CHRM3: variants seen among roughly 807,000 people sequenced by gnomAD.
The protein encoded by CHRM3 is muscarinic acetylcholine receptor M3.
Under a neutral mutation model 41.8 loss-of-function variants are expected in CHRM3, and 11 were observed. That is an observed-to-expected ratio of 0.26 (90% CI 0.17 to 0.44). CHRM3 has a LOEUF of 0.44. Among genes scored for constraint, CHRM3 ranks in the 20% least tolerant of loss-of-function variants. CHRM3 has a pLI of 1.00. For synonymous variants in CHRM3, 297 were observed against 301.4 expected (o/e 0.99, Z 0.15); for missense variants, 571 against 745.4 (o/e 0.77, Z 2.72).
intron 5 of CHRM3, among the ~76,000 whole-genome samples, chr1:239,795,637 T>C (rs1669705288): frequency 6.6e-6 from 1 of 152,218 alleles, no homozygotes. Context: ...TCTATATTTG[T>C]TTCCATCTTC....
chr1:239,839,093 G>A (rs114722413), intron 6 of CHRM3, among the ~76,000 whole-genome samples: 673 of 152,260 alleles, frequency 4.4e-3, no homozygotes, highest in Non-Finnish European at 7.5e-3. Context: ...GCCCTTCAGG[G>A]CCCTTTCAAA....
intron 1 of CHRM3, among the ~76,000 whole-genome samples, chr1:239,402,790 T>G (rs1660091068): frequency 6.6e-6 from 1 of 152,234 alleles, no homozygotes; most frequent in Non-Finnish European, 1.5e-5. Flanking sequence ...AACAGCACAG[T>G]ATTTACATAT....
intron 5 of CHRM3, among the ~76,000 whole-genome samples, chr1:239,764,628 C>T (rs762726919): frequency 2.6e-5 from 4 of 152,170 alleles, no homozygotes; most frequent in African/African-American, 9.7e-5. Context: ...TCCCAGTGTG[C>T]CTACAGATGC....
At chr1:239,736,350 T>C (rs989427665) in intron 5 of CHRM3, among the ~76,000 whole-genome samples, 14 of 151,898 alleles carry the variant, frequency 9.2e-5, no homozygotes, top group African/African-American at 2.7e-4. Context: ...TATTATTAGC[T>C]AAAAAACAAG....
intron 2 of CHRM3, among the ~76,000 whole-genome samples, chr1:239,531,881 A>G (rs966040263): frequency 1.3e-5 from 2 of 150,696 alleles, no homozygotes; most frequent in East Asian, 2.0e-4. Flanking sequence ...GGTTGGTCTC[A>G]ATCTCCTGAC....
chr1:239,445,827 A>T (rs1313739933), intron 1 of CHRM3, among the ~76,000 whole-genome samples: 1 of 152,230 alleles, frequency 6.6e-6, no homozygotes, highest in African/African-American at 2.4e-5. Context: ...TAAAAGACAT[A>T]GAATTTGCCA....
intron 1 of CHRM3, among the ~76,000 whole-genome samples, chr1:239,480,126 T>G (rs1433822251): frequency 6.6e-6 from 1 of 151,958 alleles, no homozygotes; most frequent in Non-Finnish European, 1.5e-5. Flanking sequence ...CTAGAAAAAA[T>G]GAGTATTAAA....
intron 6 of CHRM3, among the ~76,000 whole-genome samples, chr1:239,859,028 C>T (rs1675357792): frequency 6.6e-6 from 1 of 152,116 alleles, no homozygotes; most frequent in Admixed American, 6.6e-5. Flanking sequence ...ACCTTTTGGC[C>T]ATTATAAATA....
chr1:239,858,781 C>G (rs1242814302), intron 6 of CHRM3, among the ~76,000 whole-genome samples: 2 of 152,136 alleles, frequency 1.3e-5, no homozygotes, highest in Non-Finnish European at 1.5e-5. Flanking sequence ...AGCCCCTCCC[C>G]CAGCAGCTAC....
chr1:239,686,438 C>T (rs1239061729), intron 5 of CHRM3, among the ~76,000 whole-genome samples: 1 of 152,174 alleles, frequency 6.6e-6, no homozygotes, highest in Non-Finnish European at 1.5e-5. Flanking sequence ...TTGGTGTTCA[C>T]CTTCAAGACT....
At chr1:239,662,292 A>G (rs897120032) in intron 4 of CHRM3, among the ~76,000 whole-genome samples, 3 of 152,186 alleles carry the variant, frequency 2.0e-5, no homozygotes, top group African/African-American at 7.2e-5. Flanking sequence ...AAGCAGGAAG[A>G]GTCCTAGTAG....
chr1:239,530,881 AAAAAGGCAG>A (rs1445390643), intron 2 of CHRM3, among the ~76,000 whole-genome samples: 1 of 152,198 alleles, frequency 6.6e-6, no homozygotes. Flanking sequence ...GTTCCAAAAG[AAAAAGGCAG>A]AAAAGGCAGA....
intron 6 of CHRM3, among the ~76,000 whole-genome samples, chr1:239,876,076 C>T (rs1209990185): frequency 6.6e-6 from 1 of 152,186 alleles, no homozygotes; most frequent in African/African-American, 2.4e-5. Flanking sequence ...AAAGAACTCA[C>T]TTTTGTTTCT....
chr1:239,781,694 A>G (rs973618823), intron 5 of CHRM3, among the ~76,000 whole-genome samples: 10 of 152,136 alleles, frequency 6.6e-5, no homozygotes, highest in Admixed American at 2.6e-4. Context: ...TGCCTTGTAC[A>G]TGATATTAGT....
rs1266347739 is a variant in CHRM3, at chr1:239,759,676, A to C, written c.-146-67576A>C. Among the ~76,000 whole-genome samples the C allele has an allele frequency of 3.3e-5, 5 of 152,300 alleles. No individual in the cohort carries two copies. The East Asian group carries it at 9.7e-4, about 29-fold the overall frequency. On this transcript the variant is annotated intron_variant, in intron 5 of 6. Coordinates refer to ENST00000676153, the MANE Select transcript of CHRM3 (RefSeq NM_001375978.1). ...AATTAAGAGATTTTGAAATTAAAAA[A>C]CAGATGTGGTCATGCCAAGTTTTGC...
At chr1:239,442,823 G>A (rs1005816292) in intron 1 of CHRM3, among the ~76,000 whole-genome samples, 18 of 152,296 alleles carry the variant, frequency 1.2e-4, no homozygotes, top group African/African-American at 2.4e-4. Context: ...CTCAAGTAGC[G>A]TCTTTTCTGG....
chr1:239,646,394 A>G (rs748148684), intron 4 of CHRM3, among the ~76,000 whole-genome samples: 7 of 152,204 alleles, frequency 4.6e-5, no homozygotes, highest in Non-Finnish European at 7.3e-5. Flanking sequence ...ATGATGCTGG[A>G]TATAAGTTAT....
chr1:239,589,711 T>G (rs1255328975), intron 3 of CHRM3, among the ~76,000 whole-genome samples: 1 of 147,606 alleles, frequency 6.8e-6, no homozygotes, highest in Non-Finnish European at 1.5e-5. Flanking sequence ...GAATTTCTTT[T>G]TCATGAACAG....
At chr1:239,728,597 A>G (rs551028482) in intron 5 of CHRM3, among the ~76,000 whole-genome samples, 2 of 152,154 alleles carry the variant, frequency 1.3e-5, no homozygotes, top group African/African-American at 4.8e-5. Context: ...ACAAGTCTCT[A>G]TAAAAATCAG....
Sources: allele counts gnomAD v4.1 joint callset (sites outside exome capture counted in the v4.1 genomes callset), GRCh38; gene constraint gnomAD v4.1.1; transcripts MANE v1.5; gene names NCBI Gene and HGNC (gene_info 2026-07-23, HGNC 2026-07-21).